Variants in ERBB4 observed in about 807,000 individuals in gnomAD.
ERBB4 encodes receptor tyrosine-protein kinase erbB-4.
A neutral mutation model predicts 158.0 loss-of-function variants in ERBB4; 42 were observed. The observed-to-expected ratio is 0.27, with a 90% CI of 0.21 to 0.34. ERBB4 has a LOEUF of 0.34. Ranked by LOEUF, ERBB4 falls within the 10% of genes least tolerant of loss-of-function variation. ERBB4 has a pLI of 1.00. For missense variants in ERBB4, 1,333 were observed against 1,624.1 expected (o/e 0.82, Z 3.08); for synonymous variants, 583 against 558.7 (o/e 1.04, Z -0.61).
At chr2:212,014,377 T>C (rs1224879734) in intron 2 of ERBB4, among the ~76,000 whole-genome samples, 1 of 152,148 alleles carries the variant, frequency 6.6e-6, no homozygotes, top group Non-Finnish European at 1.5e-5. Flanking sequence ...TGCTTTAAAG[T>C]AAAACTATTC....
chr2:211,650,676 G>A (rs1574924726), intron 16 of ERBB4, among the ~76,000 whole-genome samples: 2 of 152,026 alleles, frequency 1.3e-5, no homozygotes, highest in East Asian at 1.9e-4. Context: ...TGACTGGGCT[G>A]GAGCAGTGCA....
chr2:211,473,809 G>T (rs1434200004), intron 20 of ERBB4, among the ~76,000 whole-genome samples: 1 of 152,040 alleles, frequency 6.6e-6, no homozygotes, highest in African/African-American at 2.4e-5. Flanking sequence ...ATACCTGACA[G>T]TGGTTACCTG....
At chr2:212,255,563 G>T (rs2084698230) in intron 1 of ERBB4, among the ~76,000 whole-genome samples, 1 of 152,104 alleles carries the variant, frequency 6.6e-6, no homozygotes, top group Admixed American at 6.6e-5. Flanking sequence ...GCTTGGGGCT[G>T]GAAGTACTTC....
intron 1 of ERBB4, among the ~76,000 whole-genome samples, chr2:212,131,602 C>G (rs1378687377): frequency 6.6e-6 from 1 of 152,184 alleles, no homozygotes; most frequent in African/African-American, 2.4e-5. Flanking sequence ...AATTGCTAAG[C>G]TGGCTGGGAT....
intron 20 of ERBB4, among the ~76,000 whole-genome samples, chr2:211,516,326 CTTTTTTTTCTT>C (rs1051520449): frequency 2.3e-4 from 35 of 150,850 alleles, no homozygotes; most frequent in African/African-American, 7.3e-4. Flanking sequence ...TATTTCTTCC[CTTTTTTTTCTT>C]TTTTTTTTCT....
At chr2:211,389,566 TTATC>T (rs1385232446) in intron 25 of ERBB4, among the ~76,000 whole-genome samples, 2 of 152,174 alleles carry the variant, frequency 1.3e-5, no homozygotes, top group Non-Finnish European at 2.9e-5. Context: ...ATTAGAATAT[TTATC>T]TATTTTCTTC....
chr2:211,802,086 C>G (rs1213927307), intron 3 of ERBB4, among the ~76,000 whole-genome samples: 1 of 152,072 alleles, frequency 6.6e-6, no homozygotes, highest in Non-Finnish European at 1.5e-5. Context: ...GGTGAAAACC[C>G]GTCTCTACTA....
chr2:212,037,848 A>G (rs145446452), intron 2 of ERBB4, among the ~76,000 whole-genome samples: 108 of 152,294 alleles, frequency 7.1e-4, no homozygotes, highest in African/African-American at 2.3e-3. Context: ...AGACCAAACA[A>G]TAAAGTTTAG....
intron 7 of ERBB4, among the ~76,000 whole-genome samples, chr2:211,716,804 C>T (rs1049764379): frequency 2.0e-5 from 3 of 152,084 alleles, no homozygotes; most frequent in Non-Finnish European, 4.4e-5. Context: ...CCAGGCCCAT[C>T]AGAGATTTAA....
chr2:212,104,509 C>T (rs542728753), intron 2 of ERBB4, among the ~76,000 whole-genome samples: 47 of 152,138 alleles, frequency 3.1e-4, no homozygotes, highest in Middle Eastern at 3.4e-3. Context: ...ACATGTCTAA[C>T]GAATGCTAGT....
intron 2 of ERBB4, among the ~76,000 whole-genome samples, chr2:212,116,456 G>C (rs1285105040): frequency 6.6e-6 from 1 of 152,074 alleles, no homozygotes; most frequent in African/African-American, 2.4e-5. Flanking sequence ...ATTTATTGTT[G>C]TTTTTTCTTG....
chr2:212,015,055 T>A (rs1443976886), intron 2 of ERBB4, among the ~76,000 whole-genome samples: 3,476 of 4,284 alleles, frequency 0.81, 1,513 homozygotes, highest in Middle Eastern at 1. Flanking sequence ...TATATATATA[T>A]ATATATATAT....
At chr2:212,288,275 C>T (rs2086072580) in intron 1 of ERBB4, among the ~76,000 whole-genome samples, 1 of 152,064 alleles carries the variant, frequency 6.6e-6, no homozygotes, top group Admixed American at 6.6e-5. Flanking sequence ...AATGCTAATA[C>T]CGCGAGGCAC....
chr2:212,404,126 G>A (rs553174516), intron 1 of ERBB4, among the ~76,000 whole-genome samples: 1 of 152,060 alleles, frequency 6.6e-6, no homozygotes, highest in Non-Finnish European at 1.5e-5. Flanking sequence ...GAGCCATGAG[G>A]GAAGAGAGAA....
chr2:211,560,678 T>C (rs554166831), intron 20 of ERBB4, among the ~76,000 whole-genome samples: 4 of 152,308 alleles, frequency 2.6e-5, no homozygotes, highest in Admixed American at 2.6e-4. Flanking sequence ...ATAAATCCAT[T>C]TCGGAAGTGC....
intron 1 of ERBB4, among the ~76,000 whole-genome samples, chr2:212,486,181 TAATA>T (rs1052060853): frequency 3.7e-4 from 56 of 151,942 alleles, no homozygotes; most frequent in African/African-American, 1.3e-3. Context: ...GGTATAATAA[TAATA>T]AAGAGATAAA....
chr2:211,709,071 G>A (rs1180018576), intron 9 of ERBB4, among the ~76,000 whole-genome samples: 2 of 151,676 alleles, frequency 1.3e-5, no homozygotes, highest in Non-Finnish European at 2.9e-5. Flanking sequence ...TAGAAGTCTG[G>A]GTTAGTCTAA....
intron 1 of ERBB4, among the ~76,000 whole-genome samples, chr2:212,450,502 T>G (rs1462376612): frequency 1.3e-5 from 2 of 152,080 alleles, no homozygotes; most frequent in African/African-American, 4.8e-5. Flanking sequence ...GGAACACAGA[T>G]AGATAGGCAC....
chr2:211,749,788 C>G (rs1245221904), intron 5 of ERBB4, among the ~76,000 whole-genome samples: 1 of 152,028 alleles, frequency 6.6e-6, no homozygotes, highest in Admixed American at 6.6e-5. Context: ...ATGTTTGAAT[C>G]TTTAATATTT....
Sources: gnomAD v4.1 joint callset for allele counts (sites outside exome capture counted in the v4.1 genomes callset) on GRCh38, gnomAD v4.1.1 for gene constraint, MANE v1.5 for transcripts, NCBI Gene and HGNC (gene_info 2026-07-23, HGNC 2026-07-21) for gene names.